Variants in WWOX observed in about 807,000 individuals in gnomAD.
WWOX encodes the protein WW domain containing oxidoreductase.
In WWOX, 69 loss-of-function variants were observed where a neutral mutation model predicts 46.2. That is an observed-to-expected ratio of 1.49 (90% confidence interval 1.23 to 1.82). The LOEUF is 1.82. Among genes scored for constraint, WWOX ranks in the 40% most tolerant of loss-of-function variants. The pLI, the probability that WWOX is intolerant of heterozygous loss-of-function variation, is 0.00. For missense variants in WWOX, 919 were observed against 542.6 expected, an observed-to-expected ratio of 1.69 and a Z score of -6.89; for synonymous variants, 359 against 202.6, an observed-to-expected ratio of 1.77 and a Z score of -6.56.
chr16:78,740,389 G>T (rs542200669), intron 8 of WWOX, among the ~76,000 whole-genome samples: 9 of 152,298 alleles, frequency 5.9e-5, no homozygotes, highest in African/African-American at 2.2e-4. Flanking sequence ...TGTGAAGATG[G>T]CTCTGCTAAT....
At chr16:78,839,389 T>A (rs1351136502) in intron 8 of WWOX, among the ~76,000 whole-genome samples, 1 of 152,178 alleles carries the variant, frequency 6.6e-6, no homozygotes, top group Non-Finnish European at 1.5e-5. Flanking sequence ...CCAAAGGCTT[T>A]GCTGAAACTT....
intron 8 of WWOX, among the ~76,000 whole-genome samples, chr16:79,030,980 C>T (rs1333920941): frequency 6.6e-6 from 1 of 151,512 alleles, no homozygotes; most frequent in African/African-American, 2.4e-5. Context: ...TAGTCCCACC[C>T]ACTCGAGAGG....
intron 5 of WWOX, among the ~76,000 whole-genome samples, chr16:78,288,237 A>G (rs2079802056): frequency 6.6e-6 from 1 of 150,536 alleles, no homozygotes; most frequent in Non-Finnish European, 1.5e-5. Flanking sequence ...AGTTGGCAGG[A>G]GACAGTGTGA....
At chr16:78,972,002 C>T (rs2046480279) in intron 8 of WWOX, among the ~76,000 whole-genome samples, 1 of 152,150 alleles carries the variant, frequency 6.6e-6, no homozygotes, top group African/African-American at 2.4e-5. Context: ...GTTTGTCCAC[C>T]TGCTGTTTAC....
At chr16:79,025,211 C>A (rs932752782) in intron 8 of WWOX, among the ~76,000 whole-genome samples, 5 of 152,130 alleles carry the variant, frequency 3.3e-5, no homozygotes, top group African/African-American at 1.2e-4. Flanking sequence ...GTCACTGAGG[C>A]TGGGGCAGGG....
intron 8 of WWOX, among the ~76,000 whole-genome samples, chr16:78,983,315 G>A (rs574755101): frequency 6.6e-6 from 1 of 152,274 alleles, no homozygotes; most frequent in East Asian, 1.9e-4. Flanking sequence ...TCAGGAACCA[G>A]GGCCTCCTCG....
intron 8 of WWOX, among the ~76,000 whole-genome samples, chr16:78,771,697 A>G (rs1310958447): frequency 6.6e-6 from 1 of 152,144 alleles, no homozygotes; most frequent in African/African-American, 2.4e-5. Flanking sequence ...GCTTGAGCCT[A>G]GGAGGTGGAG....
intron 5 of WWOX, among the ~76,000 whole-genome samples, chr16:78,321,902 C>G (rs1309351357): frequency 6.6e-6 from 1 of 152,162 alleles, no homozygotes; most frequent in Non-Finnish European, 1.5e-5. Context: ...TCTTCCCAAC[C>G]AAACAGATGC....
At chr16:78,935,996 G>T (rs1485325855) in intron 8 of WWOX, among the ~76,000 whole-genome samples, 6 of 152,150 alleles carry the variant, frequency 3.9e-5, no homozygotes, top group Admixed American at 3.3e-4. Context: ...GATTTTAGTT[G>T]CTGGATGCTG....
intron 8 of WWOX, among the ~76,000 whole-genome samples, chr16:79,161,839 A>G (rs1056276609): frequency 1.3e-5 from 2 of 152,172 alleles, no homozygotes; most frequent in African/African-American, 4.8e-5. Flanking sequence ...CACTTTAAGA[A>G]ATGCTTTTTC....
intron 8 of WWOX, among the ~76,000 whole-genome samples, chr16:78,887,754 C>T (rs1478664822): frequency 6.6e-6 from 1 of 152,138 alleles, no homozygotes; most frequent in Non-Finnish European, 1.5e-5. Flanking sequence ...TCAAAATTCC[C>T]ATTTGCCTTT....
At chr16:78,378,911 C>T (rs905751106) in intron 5 of WWOX, among the ~76,000 whole-genome samples, 1 of 152,172 alleles carries the variant, frequency 6.6e-6, no homozygotes, top group Non-Finnish European at 1.5e-5. Flanking sequence ...TTAATTTCTT[C>T]AGAGCTTCCC....
intron 8 of WWOX, among the ~76,000 whole-genome samples, chr16:78,494,483 C>CA (rs11442521): frequency 0.74 from 112,879 of 152,070 alleles, 44,271 homozygotes; most frequent in Admixed American, 0.86. Context: ...GATACAAACA[C>CA]AAGCATTAAG....
At chr16:78,203,140 G>T (rs1464475301) in intron 5 of WWOX, among the ~76,000 whole-genome samples, 1 of 152,124 alleles carries the variant, frequency 6.6e-6, no homozygotes, top group East Asian at 1.9e-4. Context: ...CTGGATGGTG[G>T]GGAAGAAAGA....
chr16:79,144,121 A>G (rs2050141370), intron 8 of WWOX, among the ~76,000 whole-genome samples: 1 of 151,174 alleles, frequency 6.6e-6, no homozygotes, highest in Non-Finnish European at 1.5e-5. Context: ...CTTGTCTTGA[A>G]CTCCTGGCCT....
At chr16:79,125,990 A>G (rs535948303) in intron 8 of WWOX, among the ~76,000 whole-genome samples, 5 of 152,188 alleles carry the variant, frequency 3.3e-5, no homozygotes, top group Non-Finnish European at 7.3e-5. Context: ...CTTTCAGTAC[A>G]TACATACAGT....
chr16:79,032,041 C>T (rs2047771982), intron 8 of WWOX, among the ~76,000 whole-genome samples: 2 of 144,090 alleles, frequency 1.4e-5, no homozygotes, highest in South Asian at 4.3e-4. Flanking sequence ...TACACAGCTC[C>T]TGCCTCCTTC....
At chr16:78,340,842 G>A (rs1215324535) in intron 5 of WWOX, among the ~76,000 whole-genome samples, 1 of 118,136 alleles carries the variant, frequency 8.5e-6, no homozygotes, top group African/African-American at 2.9e-5. Flanking sequence ...CAAAGTCTGT[G>A]TTTTCAGTAT....
intron 8 of WWOX, among the ~76,000 whole-genome samples, chr16:79,010,767 C>G (rs1002727531): frequency 3.4e-5 from 5 of 145,062 alleles, no homozygotes; most frequent in African/African-American, 1.3e-4. Context: ...GGACCCGATG[C>G]TGCCAGCAGA....
Sources: gnomAD v4.1 joint callset for allele counts (sites outside exome capture counted in the v4.1 genomes callset) on GRCh38, gnomAD v4.1.1 for gene constraint, MANE v1.5 for transcripts, NCBI Gene and HGNC (gene_info 2026-07-23, HGNC 2026-07-21) for gene names.